ZNF330: variants seen among roughly 807,000 people sequenced by gnomAD.
ZNF330 encodes the protein zinc finger protein 330.
In ZNF330, 31 loss-of-function variants were observed where a neutral mutation model predicts 45.5. The observed-to-expected ratio is 0.68, with a 90% CI of 0.51 to 0.92. The LOEUF is 0.92. Among genes scored for constraint, ZNF330 ranks in the 40% least tolerant of loss-of-function variants. ZNF330 has a pLI of 0.00. For missense variants in ZNF330, 356 were observed against 387.4 expected (o/e 0.92, Z 0.68); for synonymous variants, 138 against 123.2 (o/e 1.12, Z -0.79).
chr4:141,231,625 T>C, intron 8 of ZNF330, 140 bp downstream of exon 8: 1 of 565,166 alleles, frequency 1.8e-6, no homozygotes, highest in Non-Finnish European at 2.9e-6. Flanking sequence ...TTTTTGAGAC[T>C]GTGGAATTGA....
At chr4:141,221,148 G>T (rs1021409965) in intron 1 of ZNF330, 40 bp downstream of exon 1, 2 of 152,262 alleles carry the variant, frequency 1.3e-5, no homozygotes, top group Admixed American at 6.5e-5. Context: ...GCGGGTCCCC[G>T]TTGCGGGTCC....
chr4:141,226,844 G>A lies in ZNF330; in HGVS notation c.289G>A (p.Val97Met). 6.2e-7 allele frequency: 1 copy of A among 1,610,490 alleles called. No homozygotes were observed. The highest frequency in any genetic ancestry group is 1.1e-5 in the South Asian group (1 of 90,656). Residue 97 changes from valine (V) to methionine (M), a missense_variant and splice_region_variant, in exon 5 of 10, where the codon GTG becomes ATG. Coordinates refer to ENST00000262990, the MANE Select transcript of ZNF330 (RefSeq NM_014487.6). ...TGTATACAGTACTGGCCTTGCAATG[G>A]TGGTAAGCTTCTTATTATCTCTTAG... ...AGVYSTGLAM[V>M]GAICDFCEAW... is the part of the protein sequence containing the mutation.
chr4:141,224,037 G>T, intron 2 of ZNF330: 1 of 282,942 alleles, frequency 3.5e-6, no homozygotes, highest in Non-Finnish European at 7.0e-6. Flanking sequence ...TTAGGAATCT[G>T]GATTTTCTGT....
At chr4:141,230,754 T>C (rs1173406099) in intron 7 of ZNF330, among the ~76,000 whole-genome samples, 1 of 152,136 alleles carries the variant, frequency 6.6e-6, no homozygotes, top group African/African-American at 2.4e-5. Context: ...CTGGAGATTC[T>C]ATCTTTTAAG....
At chr4:141,232,247 T>C (rs1728977644) in intron 8 of ZNF330, among the ~76,000 whole-genome samples, 1 of 152,110 alleles carries the variant, frequency 6.6e-6, no homozygotes, top group Non-Finnish European at 1.5e-5. Context: ...CATTATTTCA[T>C]TTCATCAGGG....
rs1729044107 is a variant in ZNF330 at position 141,234,685 on chromosome 4, T to G, written c.*696T>G. On this transcript the variant is annotated 3_prime_UTR_variant, in exon 10 of 10. Coordinates refer to ENST00000262990, the MANE Select transcript of ZNF330 (RefSeq NM_014487.6). ...TTTATTTCTCTTTGAATAAATCTAT[T>G]ATTTCACTTAAATACTTTTGACATT... 6.6e-6 allele frequency: 1 copy of G among 152,212 alleles called. No individual in the cohort carries two copies. The highest frequency in any genetic ancestry group is 6.5e-5 in the Admixed American group (1 of 15,280). 9.4% of individuals were successfully genotyped at this position (152,212 alleles called of 1,614,324 possible).
At chr4:141,231,403 A>G (rs951883268) in intron 7 of ZNF330, 36 bp from the exon 8 acceptor site, 5 of 1,573,968 alleles carry the variant, frequency 3.2e-6, no homozygotes, top group Non-Finnish European at 4.3e-6. Flanking sequence ...CTAAGAACCA[A>G]ATAACGGGAT....
Position 141,223,757 on chromosome 4 carries a change from T to A in ZNF330, c.121-730T>A, listed in dbSNP as rs1416358288. 6.6e-6 allele frequency: 3 copies of A among 456,068 alleles called. No homozygotes were observed. In the East Asian group the frequency reaches 2.1e-4, roughly 32 times the overall value. 28.3% of individuals were successfully genotyped at this position (456,068 alleles called of 1,614,324 possible). A position where few individuals can be genotyped will look rare whatever the true frequency, so the allele number is the denominator to read the frequency against. On this transcript the variant is annotated intron_variant, in intron 2 of 9. Coordinates refer to ENST00000262990, the MANE Select transcript of ZNF330 (RefSeq NM_014487.6). Reference sequence around the variant, plus strand: ...TGGAAGTGCTTCAATAAAGGTACAATGTATTTATTAGGACTAAGAGGTGAT... The same window carrying A: ...TGGAAGTGCTTCAATAAAGGTACAAAGTATTTATTAGGACTAAGAGGTGAT...
intron 4 of ZNF330, among the ~76,000 whole-genome samples, chr4:141,225,212 G>A (rs1728775450): frequency 1.3e-5 from 2 of 151,940 alleles, no homozygotes; most frequent in South Asian, 2.1e-4. Flanking sequence ...TCATGTGCCC[G>A]GTTCTTAAGT....
At chr4:141,224,726 C>A in intron 4 of ZNF330, 49 bp downstream of exon 4, 1 of 1,529,476 alleles carries the variant, frequency 6.5e-7, no homozygotes, top group Non-Finnish European at 9.0e-7. Flanking sequence ...ACTGGTAGTT[C>A]AACAATTTGA....
At position 141,224,516 on chromosome 4, in the gene ZNF330, A is replaced by C. The variant is rs1254433450; in HGVS notation, c.140+10A>C. On this transcript the variant is annotated intron_variant, in intron 3 of 9. Coordinates refer to ENST00000262990, the MANE Select transcript of ZNF330 (RefSeq NM_014487.6). ...GTGACAAGTGTCAGAGGTAAATTTT[A>C]TTTCTTTTTCTATCTACCTTTAATA... 3.7e-6 allele frequency: 6 copies of C among 1,606,444 alleles called. No homozygotes were observed. Among genetic ancestry groups the C allele is most frequent in the African/African-American group, 1.3e-5 (1 of 74,700 alleles).
chr4:141,228,355 T>C (rs1232640751), intron 5 of ZNF330, among the ~76,000 whole-genome samples: 1 of 152,126 alleles, frequency 6.6e-6, no homozygotes, highest in Non-Finnish European at 1.5e-5. Context: ...TAGTTGTAAA[T>C]TCTAGAAAAG....
chr4:141,225,005 A>G (rs949297395), intron 4 of ZNF330, among the ~76,000 whole-genome samples: 1 of 152,078 alleles, frequency 6.6e-6, no homozygotes, highest in Non-Finnish European at 1.5e-5. Flanking sequence ...TAGTCTTGTC[A>G]GTATCTGTTT....
In ZNF330 at chr4:141,221,790, TAA is replaced by T. The variant is rs551491371; in HGVS notation, c.-6-574_-6-573del. ...TGCGTGTAGAGGGAAGAGCATTTGT[TAA>T]AGTCAGAGCAACTAATACCTTAAAT... is the stretch of plus-strand genomic sequence containing the variant. On this transcript the variant is annotated intron_variant, in intron 1 of 9. Coordinates refer to ENST00000262990, the MANE Select transcript of ZNF330 (RefSeq NM_014487.6). Among the ~76,000 whole-genome samples, 253 of 126,952 alleles carry T rather than the reference TAA, an allele frequency of 2.0e-3. 1 individual carries two copies. Among genetic ancestry groups the T allele is most frequent in the African/African-American group, 8.9e-3 (234 of 26,428 alleles). 83.3% of individuals were successfully genotyped at this position (126,952 alleles called of 152,430 possible).
At chr4:141,221,561 G>A (rs572281092) in intron 1 of ZNF330, among the ~76,000 whole-genome samples, 7 of 152,120 alleles carry the variant, frequency 4.6e-5, no homozygotes, top group African/African-American at 1.4e-4. Flanking sequence ...TGGTCTGGGC[G>A]TTACGTTACC....
Position 141,232,561 on chromosome 4 carries a change from T to G in ZNF330, c.607T>G (p.Phe203Val), listed in dbSNP as rs766394869. The G allele has an allele frequency of 6.2e-7, 1 of 1,600,650 alleles. No homozygotes were observed. Among genetic ancestry groups the G allele is most frequent in the Non-Finnish European group, 8.5e-7 (1 of 1,173,624 alleles). ...FCDDHTRSKV[F>V]KQEKGKQPPC... ...TGATGATCATACAAGGAGCAAAGTG[T>G]TTAAGCAAGAAAAAGGAAAACAGCC... Residue 203 changes from phenylalanine (F) to valine (V), a missense_variant, in exon 9 of 10, where the codon TTT becomes GTT. Physicochemically the swap from Phe to Val is conservative, Grantham distance 50 (BLOSUM62 -1). Coordinates refer to ENST00000262990, the MANE Select transcript of ZNF330 (RefSeq NM_014487.6).
chr4:141,226,715 C>T (rs1728812379), intron 4 of ZNF330, 52 bp from the exon 5 acceptor site: 1 of 1,390,576 alleles, frequency 7.2e-7, no homozygotes, highest in Non-Finnish European at 1.0e-6. Context: ...TTCGTGAGTA[C>T]TGGTATGTAT....
chr4:141,230,556 T>C (rs1728925741), intron 7 of ZNF330, among the ~76,000 whole-genome samples: 1 of 152,126 alleles, frequency 6.6e-6, no homozygotes, highest in East Asian at 1.9e-4. Context: ...GTACCACATG[T>C]CATTTTTACC....
intron 8 of ZNF330, among the ~76,000 whole-genome samples, chr4:141,232,188 C>G (rs1376306637): frequency 6.6e-6 from 1 of 152,070 alleles, no homozygotes; most frequent in Non-Finnish European, 1.5e-5. Flanking sequence ...TTCACTGTCT[C>G]CATCCCTAGT....
Sources: allele counts gnomAD v4.1 joint callset (sites outside exome capture counted in the v4.1 genomes callset), GRCh38; gene constraint gnomAD v4.1.1; transcripts MANE v1.5; gene names NCBI Gene and HGNC (gene_info 2026-07-23, HGNC 2026-07-21).